The following FSTL1 variants were observed in gnomAD, a reference collection of about 807,000 sequenced individuals.
The protein encoded by FSTL1 is follistatin like 1, also known as follistatin-related protein 1.
FSTL1 carries 24 observed loss-of-function variants against 45.9 expected under a neutral mutation model. The ratio of observed to expected loss-of-function variants is 0.52; its 90% confidence interval spans 0.38 to 0.74. FSTL1 has a LOEUF of 0.74. Among genes scored for constraint, FSTL1 ranks in the 30% least tolerant of loss-of-function variants. FSTL1 has a pLI of 0.00. For synonymous variants in FSTL1, 120 were observed against 137.6 expected (o/e 0.87, Z 0.89); for missense variants, 340 against 381.8 (o/e 0.89, Z 0.91).
At chr3:120,427,438 G>C (rs1289016915) in intron 2 of FSTL1, among the ~76,000 whole-genome samples, 1 of 152,082 alleles carries the variant, frequency 6.6e-6, no homozygotes, top group Non-Finnish European at 1.5e-5. Context: ...ATTAACCTTT[G>C]TTGAAAGCAA....
chr3:120,417,106 A>C (rs539912092), intron 2 of FSTL1, among the ~76,000 whole-genome samples: 2 of 152,206 alleles, frequency 1.3e-5, no homozygotes, highest in South Asian at 4.2e-4. Context: ...CTGTGACAAA[A>C]CCAACAAAGA....
intron 2 of FSTL1, among the ~76,000 whole-genome samples, chr3:120,439,113 G>A (rs535347692): frequency 2.0e-5 from 3 of 152,288 alleles, no homozygotes; most frequent in Non-Finnish European, 2.9e-5. Context: ...CTCTCCCAGC[G>A]GAGAGGCGTG....
At chr3:120,419,146 C>T (rs909975987) in intron 2 of FSTL1, 2 of 152,214 alleles carry the variant, frequency 1.3e-5, no homozygotes, top group African/African-American at 4.8e-5. Context: ...AGTGTTGGCT[C>T]CTGCAGCTCC....
chr3:120,399,143 T>A (rs1331045105), intron 10 of FSTL1, among the ~76,000 whole-genome samples: 1 of 152,192 alleles, frequency 6.6e-6, no homozygotes, highest in Non-Finnish European at 1.5e-5. Flanking sequence ...TACTACTACA[T>A]TCGGTCTACG....
In FSTL1 at chr3:120,411,981, T is replaced by C. The variant is rs1470001193; in HGVS notation, c.171A>G (p.Gln57=). ...ACACAGGCCTCTTGTGAGGTTTGCA[T>C]TGCTGAAACAGACCCAAAAGAGAAT... ...KGEPTCLCIE[Q]CKPHKRPVCG... Residue 57 remains glutamine, a splice_region_variant and synonymous_variant, in exon 4 of 11, where the codon CAA becomes CAG. Coordinates refer to ENST00000295633, the MANE Select transcript of FSTL1 (RefSeq NM_007085.5). The C allele has an allele frequency of 5.0e-6, 8 of 1,610,654 alleles. No individual in the cohort carries two copies. The highest frequency in any genetic ancestry group is 4.5e-5 in the East Asian group (2 of 44,800).
chr3:120,413,777 C>T (rs1333405548), intron 3 of FSTL1, among the ~76,000 whole-genome samples: 2 of 6,372 alleles, frequency 3.1e-4, no homozygotes, highest in East Asian at 5.3e-3. Flanking sequence ...AAAAAAAAAA[C>T]TCCCTCTCCC....
chr3:120,450,487 C>G (rs969557581), intron 2 of FSTL1, among the ~76,000 whole-genome samples, 197 bp downstream of exon 2: 8 of 152,158 alleles, frequency 5.3e-5, no homozygotes, highest in African/African-American at 1.4e-4. Flanking sequence ...GCTTACGGCC[C>G]GAACTACTTT....
intron 2 of FSTL1, among the ~76,000 whole-genome samples, chr3:120,446,519 C>A (rs1351466209): frequency 6.6e-6 from 1 of 152,202 alleles, no homozygotes; most frequent in Admixed American, 6.5e-5. Flanking sequence ...ATGTTTTACA[C>A]CCCAATTTCC....
intron 2 of FSTL1, among the ~76,000 whole-genome samples, chr3:120,443,119 C>T (rs1937660751): frequency 6.7e-6 from 1 of 148,870 alleles, no homozygotes; most frequent in African/African-American, 2.6e-5. Context: ...AAAAAAGTTC[C>T]ACACAAAAAG....
In FSTL1 at chr3:120,404,135, G is replaced by A. The variant is rs527503822; in HGVS notation, c.581+718C>T. On this transcript the variant is annotated intron_variant, in intron 7 of 10. Transcript: ENST00000295633. ...CTTCCCATCCGTAAAAGGAGGACAA[G>A]AAGCCCTCCTTCACTGGGATATCAT... 5.3e-5 allele frequency among the ~76,000 whole-genome samples: 8 copies of A among 152,240 alleles called. No individual in the cohort carries two copies. The South Asian group carries it at 1.7e-3, about 32-fold the overall frequency.
chr3:120,404,522 G>A (rs1000269990), intron 7 of FSTL1, among the ~76,000 whole-genome samples: 5 of 152,208 alleles, frequency 3.3e-5, no homozygotes, highest in African/African-American at 1.2e-4. Context: ...ATACATTACT[G>A]TAATTCCTTC....
intron 2 of FSTL1, among the ~76,000 whole-genome samples, chr3:120,426,320 C>T (rs1937379531): frequency 6.6e-6 from 1 of 152,190 alleles, no homozygotes; most frequent in Non-Finnish European, 1.5e-5. Context: ...ATTCCCATCC[C>T]TCCATCCCAT....
chr3:120,442,441 C>T (rs1243162059), intron 2 of FSTL1, among the ~76,000 whole-genome samples: 3 of 152,160 alleles, frequency 2.0e-5, no homozygotes, highest in African/African-American at 4.8e-5. Context: ...TGTTCTACAG[C>T]GTTGCTCTTA....
intron 3 of FSTL1, among the ~76,000 whole-genome samples, chr3:120,414,472 C>A (rs1937150183): frequency 6.6e-6 from 1 of 151,782 alleles, no homozygotes; most frequent in Non-Finnish European, 1.5e-5. Context: ...GCCCGGCCAC[C>A]ACCCCGTCTG....
At chr3:120,447,813 G>C (rs1002863608) in intron 2 of FSTL1, among the ~76,000 whole-genome samples, 1 of 152,100 alleles carries the variant, frequency 6.6e-6, no homozygotes, top group African/African-American at 2.4e-5. Flanking sequence ...ACCATGCCCA[G>C]GTAATTTTCT....
At chr3:120,404,817 T>C (rs770558639) in intron 7 of FSTL1, 36 bp downstream of exon 7, 2 of 1,034,038 alleles carry the variant, frequency 1.9e-6, no homozygotes, top group South Asian at 2.5e-5. Context: ...TAGTCTTCCC[T>C]TGTGGATCAT....
At chr3:120,405,611 G>A (rs866016789) in intron 6 of FSTL1, among the ~76,000 whole-genome samples, 16 of 152,196 alleles carry the variant, frequency 1.1e-4, no homozygotes, top group Non-Finnish European at 1.6e-4. Context: ...CAAAGTTCCC[G>A]CTCCTCTGCC....
chr3:120,398,532 A>G (rs897817546), intron 10 of FSTL1, among the ~76,000 whole-genome samples: 5 of 152,062 alleles, frequency 3.3e-5, no homozygotes, highest in South Asian at 2.1e-4. Context: ...CTTCATCCCC[A>G]CTCAGGCACT....
At chr3:120,426,987 T>C (rs534468874) in intron 2 of FSTL1, among the ~76,000 whole-genome samples, 1 of 152,160 alleles carries the variant, frequency 6.6e-6, no homozygotes, top group East Asian at 1.9e-4. Flanking sequence ...AAAAAAAGGG[T>C]CTAGGGCTCC....
Sources: allele counts gnomAD v4.1 joint callset (sites outside exome capture counted in the v4.1 genomes callset), GRCh38; gene constraint gnomAD v4.1.1; transcripts MANE v1.5; gene names NCBI Gene and HGNC (gene_info 2026-07-23, HGNC 2026-07-21).